Variants in TRMT13 observed in about 807,000 individuals in gnomAD.
TRMT13 encodes tRNA:m(4)X modification enzyme TRM13 homolog.
Under a neutral mutation model 55.9 loss-of-function variants are expected in TRMT13, and 45 were observed. That is an observed-to-expected ratio of 0.80 (90% CI 0.63 to 1.03). The LOEUF is 1.03. Among genes scored for constraint, TRMT13 ranks in the 50% least tolerant of loss-of-function variants. The probability of loss-of-function intolerance (pLI) is 0.00; values close to 1 mark genes in which losing one functional copy is unlikely to be tolerated. For missense variants in TRMT13, 513 were observed against 563.9 expected, an observed-to-expected ratio of 0.91 and a Z score of 0.91; for synonymous variants, 183 against 196.3, an observed-to-expected ratio of 0.93 and a Z score of 0.57.
At position 100,148,993 on chromosome 1, in the gene TRMT13, T is replaced by G. The variant is rs1657661587; in HGVS notation, c.*173T>G. ...CTTTTTACTTCAGAAATCCAAACAT[T>G]AGAGAATTCACCAAAGTAATCCTCT... On this transcript the variant is annotated 3_prime_UTR_variant, in exon 11 of 11. Coordinates refer to ENST00000370141, the MANE Select transcript of TRMT13 (RefSeq NM_019083.3). 6.9e-7 allele frequency: 1 copy of G among 1,452,396 alleles called. No homozygotes were observed. Among genetic ancestry groups the G allele is most frequent in the South Asian group, 1.5e-5 (1 of 67,216 alleles). 90.0% of individuals were successfully genotyped at this position (1,452,396 alleles called of 1,614,324 possible).
intron 1 of TRMT13, among the ~76,000 whole-genome samples, chr1:100,133,674 C>G (rs1655359699): frequency 6.6e-6 from 1 of 152,142 alleles, no homozygotes; most frequent in South Asian, 2.1e-4. Context: ...AAAGGTTTCA[C>G]TAGTTGTGTT....
rs1422423065 is a variant in TRMT13 at position 100,147,886 on chromosome 1, G to C, written c.818-8G>C. ...TGGTTTGGGGGGGCCACATAATTGTGTTTGCAGATCTTGCATTACGATGTT... is the reference window on the plus strand; with the variant it reads ...TGGTTTGGGGGGGCCACATAATTGTCTTTGCAGATCTTGCATTACGATGTT... On this transcript the variant is annotated splice_polypyrimidine_tract_variant and splice_region_variant and intron_variant, in intron 9 of 10. Transcript: ENST00000370141. 1 of 1,582,404 alleles carries C rather than the reference G, an allele frequency of 6.3e-7. No homozygotes were observed. The highest frequency in any genetic ancestry group is 1.4e-5 in the African/African-American group (1 of 73,372).
intron 9 of TRMT13, among the ~76,000 whole-genome samples, chr1:100,147,077 C>T (rs946014126): frequency 1.3e-5 from 2 of 152,132 alleles, no homozygotes; most frequent in African/African-American, 4.8e-5. Flanking sequence ...ATTGAACAGA[C>T]ACAACATGAC....
intron 6 of TRMT13, 58 bp from the exon 7 acceptor site, chr1:100,140,794 C>A: frequency 1.3e-6 from 2 of 1,489,348 alleles, no homozygotes; most frequent in Non-Finnish European, 9.2e-7. Context: ...TTGCTGTTTT[C>A]CCATTTGAAC....
intron 6 of TRMT13, 101 bp downstream of exon 6, chr1:100,140,615 A>G: frequency 9.9e-7 from 1 of 1,012,142 alleles, no homozygotes; most frequent in Non-Finnish European, 1.5e-6. Flanking sequence ...TTTACCTTTG[A>G]GGGTACCAAA....
chr1:100,147,549 A>T (rs1169771056), intron 9 of TRMT13, among the ~76,000 whole-genome samples: 1 of 152,170 alleles, frequency 6.6e-6, no homozygotes, highest in East Asian at 1.9e-4. Context: ...GTGTAGGTGA[A>T]TAAAGTTTTC....
At position 100,144,147 on chromosome 1, in the gene TRMT13, C is replaced by G. The variant is rs776897771; in HGVS notation, c.817+4C>G. The G allele has an allele frequency of 6.2e-7, 1 of 1,610,426 alleles. No homozygotes were observed. Among genetic ancestry groups the G allele is most frequent in the Non-Finnish European group, 8.5e-7 (1 of 1,176,968 alleles). ...CATCTGTGTGGTATGGCAACAGGTA[C>G]GTAAACATACTGATAATGTTTACAT... On this transcript the variant is annotated splice_donor_region_variant and intron_variant, in intron 9 of 10. Transcript: ENST00000370141.
At chr1:100,141,130 T>C in intron 7 of TRMT13, 111 bp downstream of exon 7, 1 of 1,055,882 alleles carries the variant, frequency 9.5e-7, no homozygotes, top group Non-Finnish European at 1.3e-6. Flanking sequence ...ATTTTCTTTA[T>C]CTGTTTGTTG....
chr1:100,139,082 G>C (rs1263730311), intron 3 of TRMT13, among the ~76,000 whole-genome samples: 1 of 152,214 alleles, frequency 6.6e-6, no homozygotes, highest in Non-Finnish European at 1.5e-5. Context: ...TTACAGGCCT[G>C]AGCCACTGTG....
At position 100,146,141 on chromosome 1, in the gene TRMT13, A is replaced by G. The variant is rs145513343; in HGVS notation, c.818-1753A>G. ...CTCACCCAAACAAAACAACTGGTCA[A>G]TTTTTACTCATCCTTCACCTCAGTT... On this transcript the variant is annotated intron_variant, in intron 9 of 10. Coordinates refer to ENST00000370141, the MANE Select transcript of TRMT13 (RefSeq NM_019083.3). Among the ~76,000 whole-genome samples the G allele has an allele frequency of 6.9e-3, 1,052 of 152,244 alleles. 21 individuals are homozygous for G. Among genetic ancestry groups the G allele is most frequent in the Admixed American group, 0.044 (674 of 15,292 alleles).
At position 100,133,369 on chromosome 1, in the gene TRMT13, C is replaced by T. The variant is rs1655297970; in HGVS notation, c.147+54C>T. 17 of 1,572,400 alleles carry T rather than the reference C, an allele frequency of 1.1e-5. No individual in the cohort carries two copies. The South Asian group carries it at 1.5e-4, about 14-fold the overall frequency. On this transcript the variant is annotated intron_variant, in intron 1 of 10. Coordinates refer to ENST00000370141, the MANE Select transcript of TRMT13 (RefSeq NM_019083.3). Reference sequence around the variant, plus strand: ...TCGGAAATAAGTATCCTGGTCCTGTCGGTGCTGGAACCCGGCCCCTCCCCT... The same window carrying T: ...TCGGAAATAAGTATCCTGGTCCTGTTGGTGCTGGAACCCGGCCCCTCCCCT...
At chr1:100,142,869 T>C (rs2101734693) in intron 7 of TRMT13, 3 of 422,170 alleles carry the variant, frequency 7.1e-6, no homozygotes, top group South Asian at 6.1e-5. Context: ...GATAAATCAC[T>C]TAAGATCTGT....
chr1:100,133,397 T>C (rs1185112254), intron 1 of TRMT13, 82 bp downstream of exon 1: 2 of 1,471,778 alleles, frequency 1.4e-6, no homozygotes, highest in Non-Finnish European at 1.8e-6. Flanking sequence ...CCTCCCCTCT[T>C]TGACAGCTTT....
rs774258823 is a variant in TRMT13 at position 100,148,112 on chromosome 1, G to A, written c.1036G>A (p.Val346Met). The A allele has an allele frequency of 1.2e-6, 2 of 1,614,218 alleles. No homozygotes were observed. Among genetic ancestry groups the A allele is most frequent in the East Asian group, 2.2e-5 (1 of 44,888 alleles). The change falls in exon 10 of 11, where the codon GTG becomes ATG. Residue 346 changes from valine to methionine, a missense_variant. Val to Met is a conservative substitution (Grantham distance 21). Coordinates refer to ENST00000370141, the MANE Select transcript of TRMT13 (RefSeq NM_019083.3). ...CHHRCDWRHY[V>M]GKEYFRALGL... is the part of the protein sequence containing the mutation. ...CCACAGGTGTGATTGGAGACATTAT[G>A]TGGGCAAAGAATATTTCAGGGCTCT...
intron 10 of TRMT13, 132 bp downstream of exon 10, chr1:100,148,458 A>T (rs113139260): frequency 3.6e-6 from 4 of 1,117,422 alleles, no homozygotes; most frequent in Non-Finnish European, 5.1e-6. Context: ...TAAAATATAC[A>T]CATCTTTTAT....
In TRMT13 at chr1:100,141,595, G is replaced by C. The variant is rs149587868; in HGVS notation, c.669+576G>C. Among the ~76,000 whole-genome samples the C allele has an allele frequency of 5.9e-5, 9 of 152,226 alleles. No individual in the cohort carries two copies. In the East Asian group the frequency reaches 9.6e-4, roughly 16 times the overall value. On this transcript the variant is annotated intron_variant, in intron 7 of 10. Transcript: ENST00000370141. ...CATCCTCCCACCTTACCCTTCCAAA[G>C]TGCTGGAATTACAAGTGTGAGCCAC...
chr1:100,148,313 G>T lies in TRMT13; in HGVS notation c.1237G>T (p.Asp413Tyr), dbSNP rs776939331. The stretch of plus-strand genomic sequence containing the variant: ...ATACAGAATCACAGATGATGGCGCT[G>T]ATTGTTTGCCTGGGTAAGAGACTAC... Reference protein sequence around the residue: ...GGYRITDDGADCLPGLLSVEE... With the variant: ...GGYRITDDGAYCLPGLLSVEE... The change falls in exon 10 of 11, where the codon GAT becomes TAT. Residue 413 changes from aspartate (D) to tyrosine (Y), a missense_variant. Coordinates refer to ENST00000370141, the MANE Select transcript of TRMT13 (RefSeq NM_019083.3). 1 of 1,612,662 alleles carries T rather than the reference G, an allele frequency of 6.2e-7. No individual in the cohort carries two copies. Among genetic ancestry groups the T allele is most frequent in the Admixed American group, 1.7e-5 (1 of 59,996 alleles).
intron 9 of TRMT13, chr1:100,144,365 T>C (rs777077438): frequency 3.7e-5 from 16 of 431,980 alleles, no homozygotes; most frequent in Non-Finnish European, 5.0e-5. Context: ...ATGTAAATAC[T>C]GCATCACATT....
chr1:100,143,737 C>T (rs1656902392), intron 8 of TRMT13, among the ~76,000 whole-genome samples: 1 of 152,080 alleles, frequency 6.6e-6, no homozygotes, highest in Non-Finnish European at 1.5e-5. Context: ...CTTTTTATAC[C>T]TTTTCTATTT....
Sources: gnomAD v4.1 joint callset for allele counts (sites outside exome capture counted in the v4.1 genomes callset) on GRCh38, gnomAD v4.1.1 for gene constraint, MANE v1.5 for transcripts, NCBI Gene and HGNC (gene_info 2026-07-23, HGNC 2026-07-21) for gene names.